The following IGF1R variants were observed in gnomAD, a reference collection of about 807,000 sequenced individuals.
IGF1R encodes the protein insulin-like growth factor 1 receptor.
In IGF1R, 44 loss-of-function variants were observed where a neutral mutation model predicts 144.6. The ratio of observed to expected loss-of-function variants is 0.30; its 90% CI spans 0.24 to 0.39. IGF1R has a LOEUF of 0.39. IGF1R is among the 10% of genes least tolerant of loss of function. IGF1R has a pLI of 1.00. For missense variants in IGF1R, 1,355 were observed against 1,833.7 expected (o/e 0.74, Z 4.77); for synonymous variants, 795 against 722.8 (o/e 1.10, Z -1.60).
At chr15:98,847,096 T>C (rs1462297415) in intron 2 of IGF1R, among the ~76,000 whole-genome samples, 4 of 152,100 alleles carry the variant, frequency 2.6e-5, no homozygotes, top group African/African-American at 9.7e-5. Flanking sequence ...CATCCCTCAG[T>C]TTCCCAAGTA....
chr15:98,848,091 T>G (rs2011403771), intron 2 of IGF1R, among the ~76,000 whole-genome samples: 1 of 152,204 alleles, frequency 6.6e-6, no homozygotes, highest in Non-Finnish European at 1.5e-5. Flanking sequence ...CATCTGCTAG[T>G]GACACTCTGG....
intron 2 of IGF1R, among the ~76,000 whole-genome samples, chr15:98,816,107 C>T (rs1487739458): frequency 2.0e-5 from 3 of 152,184 alleles, no homozygotes; most frequent in Admixed American, 6.5e-5. Context: ...CCAGTCTTGC[C>T]TCTGCCTACT....
intron 2 of IGF1R, among the ~76,000 whole-genome samples, chr15:98,853,544 T>C (rs984447802): frequency 6.6e-6 from 1 of 152,254 alleles, no homozygotes; most frequent in Admixed American, 6.5e-5. Context: ...TGCTTAGTTT[T>C]TTAAGAGAAA....
intron 2 of IGF1R, among the ~76,000 whole-genome samples, chr15:98,879,836 T>C (rs1395403786): frequency 6.6e-6 from 1 of 152,188 alleles, no homozygotes; most frequent in Admixed American, 6.5e-5. Context: ...GAGATAAATA[T>C]TGAAAACATT....
At chr15:98,952,253 G>A (rs1596486568) in intron 20 of IGF1R, among the ~76,000 whole-genome samples, 2 of 151,594 alleles carry the variant, frequency 1.3e-5, no homozygotes, top group East Asian at 3.9e-4. Flanking sequence ...GGACACAGGG[G>A]AGAGGACCAC....
At chr15:98,826,557 T>C (rs573703819) in intron 2 of IGF1R, among the ~76,000 whole-genome samples, 1 of 152,372 alleles carries the variant, frequency 6.6e-6, no homozygotes, top group Non-Finnish European at 1.5e-5. Flanking sequence ...AAGACATATT[T>C]AGGCTATAAA....
chr15:98,852,019 C>G (rs1041333320), intron 2 of IGF1R, among the ~76,000 whole-genome samples: 1 of 152,156 alleles, frequency 6.6e-6, no homozygotes, highest in African/African-American at 2.4e-5. Flanking sequence ...AAAGACAGAA[C>G]TAAAAATTAA....
intron 2 of IGF1R, among the ~76,000 whole-genome samples, chr15:98,782,847 A>G (rs929774017): frequency 7.9e-5 from 12 of 152,232 alleles, no homozygotes; most frequent in Non-Finnish European, 1.5e-5. Flanking sequence ...TTGTTTTCAT[A>G]GTATATAATC....
intron 1 of IGF1R, 75 bp downstream of exon 1, chr15:98,649,750 CGAGTT>C (rs2052302472): frequency 4.4e-6 from 5 of 1,134,320 alleles, no homozygotes; most frequent in Non-Finnish European, 6.6e-6. Context: ...TTGCGAAACC[CGAGTT>C]GCCACCGTCG....
At chr15:98,809,078 C>G (rs2056529491) in intron 2 of IGF1R, among the ~76,000 whole-genome samples, 1 of 152,212 alleles carries the variant, frequency 6.6e-6, no homozygotes, top group South Asian at 2.1e-4. Context: ...CAGGTAGCTG[C>G]AATATAGTTC....
chr15:98,750,350 C>G (rs544721502), intron 2 of IGF1R, among the ~76,000 whole-genome samples: 133 of 152,272 alleles, frequency 8.7e-4, no homozygotes, highest in African/African-American at 3.1e-3. Context: ...GATCAAGGGC[C>G]CTTGGCCTAG....
rs45561737 is a variant in IGF1R, at chr15:98,707,188, C to T, written c.95-374C>T. ...CGTTCAGGCCTTGGCAACTGACGCTCTGCAGAACGGACCAGGAGTGTGCGG... is the reference window on the plus strand; with the variant it reads ...CGTTCAGGCCTTGGCAACTGACGCTTTGCAGAACGGACCAGGAGTGTGCGG... On this transcript the variant is annotated intron_variant, in intron 1 of 20. Coordinates refer to ENST00000650285, the MANE Select transcript of IGF1R (RefSeq NM_000875.5). The surrounding 1 kb of genome is among the most constrained non-coding windows in gnomAD (Gnocchi z 6.7). Among the ~76,000 whole-genome samples the T allele has an allele frequency of 2.0e-3, 305 of 152,338 alleles. 3 individuals carry two copies. Among genetic ancestry groups the T allele is most frequent in the Non-Finnish European group, 2.8e-3 (191 of 68,028 alleles).
chr15:98,656,453 G>T (rs901625697), intron 1 of IGF1R, among the ~76,000 whole-genome samples: 1 of 152,170 alleles, frequency 6.6e-6, no homozygotes, highest in African/African-American at 2.4e-5. Context: ...AGAGGCTGAG[G>T]CAGGAGAATT....
At chr15:98,796,648 C>A (rs1388524235) in intron 2 of IGF1R, among the ~76,000 whole-genome samples, 1 of 152,188 alleles carries the variant, frequency 6.6e-6, no homozygotes, top group Non-Finnish European at 1.5e-5. Context: ...TGATTTTAAT[C>A]TGGATTTTGC....
intron 2 of IGF1R, among the ~76,000 whole-genome samples, chr15:98,823,900 C>T (rs910158477): frequency 4.6e-5 from 7 of 152,070 alleles, no homozygotes; most frequent in African/African-American, 7.2e-5. Context: ...CAGGCATATT[C>T]TGAGAGAGAA....
In IGF1R at chr15:98,804,820, G is replaced by A. The variant is rs149267465; in HGVS notation, c.641-86505G>A. Among the ~76,000 whole-genome samples the A allele has an allele frequency of 1.6e-3, 241 of 152,232 alleles. 1 individual carries two copies. Among genetic ancestry groups the A allele is most frequent in the African/African-American group, 5.6e-3 (231 of 41,542 alleles). On this transcript the variant is annotated intron_variant, in intron 2 of 20. Coordinates refer to ENST00000650285, the MANE Select transcript of IGF1R (RefSeq NM_000875.5). ...TCAAGCAATTCTGCCTCAGCCTCCC[G>A]AGTAGCTGGAACTGCAGGCGTGCAC...
rs376413435 is a variant in IGF1R at position 98,957,235 on chromosome 15, C to G, written c.3897C>G (p.Asn1299Lys). The change falls in exon 21 of 21, where the codon AAC (asparagine) becomes AAG (lysine). Residue 1299 changes from asparagine to lysine, a missense_variant. By Grantham distance (94) the Asn-to-Lys change is moderately conservative. Transcript: ENST00000650285. ...EPEELDLEPE[N>K]MESVPLDPSA... ...AGGAGCTGGACCTGGAGCCAGAGAACATGGAGAGCGTCCCCCTGGACCCCT... is the reference window on the plus strand; with the variant it reads ...AGGAGCTGGACCTGGAGCCAGAGAAGATGGAGAGCGTCCCCCTGGACCCCT... 8.1e-6 allele frequency: 13 copies of G among 1,614,236 alleles called. No individual in the cohort carries two copies. The highest frequency in any genetic ancestry group is 1.1e-5 in the Non-Finnish European group (13 of 1,180,052).
chr15:98,711,505 A>G (rs1885527034), intron 2 of IGF1R, among the ~76,000 whole-genome samples: 3 of 151,982 alleles, frequency 2.0e-5, no homozygotes, highest in African/African-American at 7.2e-5. Flanking sequence ...ACACTTCTGT[A>G]TTTCTCGGTT....
intron 2 of IGF1R, among the ~76,000 whole-genome samples, chr15:98,733,202 T>C (rs1336797997): frequency 6.6e-6 from 1 of 152,074 alleles, no homozygotes; most frequent in African/African-American, 2.4e-5. Context: ...AGGGGTTGTT[T>C]TGAAGGGCTC....
Sources: gnomAD v4.1 joint callset for allele counts (sites outside exome capture counted in the v4.1 genomes callset) on GRCh38, gnomAD v4.1.1 for gene constraint, Gnocchi (gnomAD v3.1) non-coding constraint, MANE v1.5 for transcripts, NCBI Gene and HGNC (gene_info 2026-07-23, HGNC 2026-07-21) for gene names.